TASP1: variants seen among roughly 807,000 people sequenced by gnomAD.
The protein encoded by TASP1 is threonine aspartase 1.
Under a neutral mutation model 56.6 loss-of-function variants are expected in TASP1, and 16 were observed. The observed-to-expected ratio is 0.28, with a 90% confidence interval of 0.19 to 0.43. TASP1 has a LOEUF of 0.43. TASP1 is among the 20% of genes least tolerant of loss of function. TASP1 has a pLI of 1.00. For missense variants in TASP1, 393 were observed against 511.6 expected, an observed-to-expected ratio of 0.77 and a Z score of 2.24; for synonymous variants, 179 against 184.2, an observed-to-expected ratio of 0.97 and a Z score of 0.23.
the TASP1 span, among the ~76,000 whole-genome samples, chr20:13,368,935 T>C: frequency 6.6e-6 from 1 of 152,168 alleles, no homozygotes; most frequent in African/African-American, 2.4e-5. Context: ...TCCAAAACCA[T>C]GAATTCAATG....
chr20:13,394,469 G>A (rs189431000), intron 13 of TASP1, among the ~76,000 whole-genome samples: 25 of 151,990 alleles, frequency 1.6e-4, no homozygotes, highest in Admixed American at 7.2e-4. Flanking sequence ...AAAATTAGCC[G>A]GACGTGGTGG....
the TASP1 span, among the ~76,000 whole-genome samples, chr20:13,259,842 T>C: frequency 6.6e-6 from 1 of 152,224 alleles, no homozygotes; most frequent in African/African-American, 2.4e-5. Context: ...GCCCCAATAC[T>C]AAGTGATAAA....
At chr20:13,404,936 C>A (rs1447127696) in intron 13 of TASP1, among the ~76,000 whole-genome samples, 2 of 152,034 alleles carry the variant, frequency 1.3e-5, no homozygotes, top group East Asian at 1.9e-4. Flanking sequence ...AGTCTTAATA[C>A]CACAAAGCCA....
chr20:13,627,523 G>A (rs569697605), intron 2 of TASP1, among the ~76,000 whole-genome samples: 6 of 152,176 alleles, frequency 3.9e-5, no homozygotes, highest in East Asian at 3.9e-4. Flanking sequence ...AGGCCGAGGC[G>A]GGTGGATCAC....
chr20:13,318,900 G>A, the TASP1 span, among the ~76,000 whole-genome samples: 415 of 152,278 alleles, frequency 2.7e-3, no homozygotes, highest in Middle Eastern at 0.017. Context: ...GCAGAGCACA[G>A]AACACTTTCA....
the TASP1 span, among the ~76,000 whole-genome samples, chr20:13,298,113 ATTTG>A: frequency 1.3e-5 from 2 of 151,706 alleles, no homozygotes; most frequent in Non-Finnish European, 2.9e-5. Context: ...TGATTTATTT[ATTTG>A]TTTATTGAGA....
chr20:13,348,198 A>G, the TASP1 span, among the ~76,000 whole-genome samples: 5 of 152,330 alleles, frequency 3.3e-5, no homozygotes, highest in Non-Finnish European at 5.9e-5. Flanking sequence ...TTAAAGATCT[A>G]TGCCAAAGTG....
At chr20:13,250,682 G>T in the TASP1 span, among the ~76,000 whole-genome samples, 1 of 152,238 alleles carries the variant, frequency 6.6e-6, no homozygotes, top group Admixed American at 6.5e-5. Context: ...TAAGCTCCAT[G>T]AGGGTAAGAT....
chr20:13,612,458 TGATAA>T (rs2048378477), intron 4 of TASP1, among the ~76,000 whole-genome samples: 1 of 150,292 alleles, frequency 6.7e-6, no homozygotes, highest in Admixed American at 6.7e-5. Flanking sequence ...AGACAAAACA[TGATAA>T]CCTTTTTAGA....
At chr20:13,479,314 T>C (rs968544757) in intron 11 of TASP1, among the ~76,000 whole-genome samples, 4 of 152,202 alleles carry the variant, frequency 2.6e-5, no homozygotes, top group African/African-American at 9.6e-5. Flanking sequence ...AAGAATATTG[T>C]GGTTTCCACA....
chr20:13,441,791 G>A (rs945762885), intron 11 of TASP1, among the ~76,000 whole-genome samples: 2 of 152,182 alleles, frequency 1.3e-5, no homozygotes, highest in African/African-American at 4.8e-5. Flanking sequence ...GACAGTGGAG[G>A]CTGTCTACAG....
chr20:13,560,151 A>C (rs13041649), intron 7 of TASP1, among the ~76,000 whole-genome samples: 35,619 of 152,174 alleles, frequency 0.23, 4,592 homozygotes, highest in Non-Finnish European at 0.3. Context: ...TCCAGCTGAT[A>C]AGAGAAATTA....
intron 12 of TASP1, among the ~76,000 whole-genome samples, chr20:13,424,981 G>A (rs2042571349): frequency 6.6e-6 from 1 of 152,146 alleles, no homozygotes; most frequent in African/African-American, 2.4e-5. Flanking sequence ...TTCCAACATT[G>A]GAGAATGGCT....
chr20:13,413,599 C>A (rs973174431), intron 13 of TASP1, among the ~76,000 whole-genome samples: 9 of 152,214 alleles, frequency 5.9e-5, no homozygotes, highest in East Asian at 1.9e-4. Flanking sequence ...GGAATGTAAT[C>A]ATTCATCCAA....
At chr20:13,484,135 A>G (rs1260878941) in intron 10 of TASP1, among the ~76,000 whole-genome samples, 2 of 152,162 alleles carry the variant, frequency 1.3e-5, no homozygotes, top group Non-Finnish European at 2.9e-5. Flanking sequence ...TAGAAATGCA[A>G]TCATTAAAAA....
At chr20:13,240,882 A>G in the TASP1 span, among the ~76,000 whole-genome samples, 1 of 152,316 alleles carries the variant, frequency 6.6e-6, no homozygotes, top group East Asian at 1.9e-4. Context: ...TCACAAGGGT[A>G]GAGTTCATGT....
At position 13,569,519 on chromosome 20, in the gene TASP1, T is replaced by A. The variant is rs148072541; in HGVS notation, c.556A>T (p.Ile186Phe). ...AGTTTTTACTCACTTGTGGTCATGATGTTAGGAGGGCAAGAGGGTATTCCA... is the reference window on the plus strand; with the variant it reads ...AGTTTTTACTCACTTGTGGTCATGAAGTTAGGAGGGCAAGAGGGTATTCCA... ...DHGIPSCPPN[I>F]MTTRFSLAAF... The change falls in exon 7 of 14, where the codon ATC (isoleucine) becomes TTC (phenylalanine). Residue 186 changes from isoleucine (I) to phenylalanine (F), a missense_variant. By Grantham distance (21) the Ile-to-Phe change is conservative (BLOSUM62 0). Coordinates refer to ENST00000337743, the MANE Select transcript of TASP1 (RefSeq NM_017714.3). The A allele has an allele frequency of 3.7e-6, 6 of 1,612,202 alleles. No individual in the cohort carries two copies. Among genetic ancestry groups the A allele is most frequent in the Non-Finnish European group, 5.1e-6 (6 of 1,179,400 alleles).
chr20:13,299,304 C>T, the TASP1 span: 2 of 1,613,702 alleles, frequency 1.2e-6, no homozygotes, highest in Middle Eastern at 1.6e-4. The surrounding 1 kb of genome is among the most constrained non-coding windows in gnomAD (Gnocchi z 5.8). Flanking sequence ...CTCCGCGGAG[C>T]TCCACTACAA....
rs2048929829 is a variant in TASP1, at chr20:13,627,379, C to T, written c.146-2127G>A. 2.0e-5 allele frequency among the ~76,000 whole-genome samples: 3 copies of T among 152,166 alleles called. No homozygotes were observed. In the South Asian group the frequency reaches 6.2e-4, roughly 32 times the overall value. On this transcript the variant is annotated intron_variant, in intron 2 of 13. Transcript: ENST00000337743. ...TAATTCACACAATATCCTATCATAA[C>T]TCAGAGTTCCTACTCTTCTTGCTGA...
Sources: allele counts gnomAD v4.1 joint callset (sites outside exome capture counted in the v4.1 genomes callset), GRCh38; gene constraint gnomAD v4.1.1; non-coding constraint Gnocchi (gnomAD v3.1); transcripts MANE v1.5; gene names NCBI Gene and HGNC (gene_info 2026-07-23, HGNC 2026-07-21).